USP13: variants seen among roughly 807,000 people sequenced by gnomAD.
The protein encoded by USP13 is ubiquitin carboxyl-terminal hydrolase 13.
Under a neutral mutation model 107.8 loss-of-function variants are expected in USP13, and 68 were observed. That is an observed-to-expected ratio of 0.63 (90% CI 0.52 to 0.77). USP13 has a LOEUF of 0.77. USP13 is among the 30% of genes least tolerant of loss of function. The probability of loss-of-function intolerance (pLI) is 0.00; values close to 1 mark genes in which losing one functional copy is unlikely to be tolerated. For missense variants in USP13, 945 were observed against 1,093.3 expected (o/e 0.86, Z 1.91); for synonymous variants, 377 against 389.5 (o/e 0.97, Z 0.38).
intron 3 of USP13, among the ~76,000 whole-genome samples, chr3:179,695,234 A>C (rs1712282287): frequency 6.6e-6 from 1 of 152,254 alleles, no homozygotes; most frequent in Admixed American, 6.5e-5. Context: ...CTTCGGCTTC[A>C]TGAAGCAGAT....
At chr3:179,709,009 T>G in intron 6 of USP13, 52 bp downstream of exon 6, 1 of 1,574,342 alleles carries the variant, frequency 6.4e-7, no homozygotes, top group Non-Finnish European at 8.6e-7. Context: ...CCTCTTAGAT[T>G]TAACCAATCC....
At chr3:179,743,523 G>T (rs892247908) in intron 12 of USP13, among the ~76,000 whole-genome samples, 4 of 151,978 alleles carry the variant, frequency 2.6e-5, no homozygotes, top group African/African-American at 9.7e-5. Context: ...AAGATGAAAC[G>T]ATTTTCATTT....
intron 16 of USP13, among the ~76,000 whole-genome samples, chr3:179,758,045 G>A (rs1246005100): frequency 2.0e-5 from 3 of 152,084 alleles, no homozygotes; most frequent in Non-Finnish European, 4.4e-5. Flanking sequence ...TATAAAACAA[G>A]GTCCCAGATC....
intron 13 of USP13, among the ~76,000 whole-genome samples, chr3:179,750,892 CTG>C (rs906818511): frequency 1.8e-4 from 28 of 152,256 alleles, no homozygotes; most frequent in Middle Eastern, 3.4e-3. Flanking sequence ...CATCGTTTGA[CTG>C]TTTTTTGCCC....
intron 19 of USP13, among the ~76,000 whole-genome samples, chr3:179,780,864 A>T (rs937360517): frequency 6.6e-6 from 1 of 152,216 alleles, no homozygotes; most frequent in Non-Finnish European, 1.5e-5. Flanking sequence ...CAAAATCAAT[A>T]TGCAAGCCCA....
intron 1 of USP13, among the ~76,000 whole-genome samples, chr3:179,658,684 T>G (rs1014202497): frequency 6.6e-6 from 1 of 152,226 alleles, no homozygotes; most frequent in African/African-American, 2.4e-5. Context: ...CTTGGGTAAC[T>G]GCAGAATGTG....
chr3:179,742,204 G>T lies in USP13; in HGVS notation c.1388G>T (p.Arg463Leu), dbSNP rs758485485. The change falls in exon 12 of 21, where the codon CGC (arginine) becomes CTC (leucine). Residue 463 changes from arginine to leucine, a missense_variant. Transcript: ENST00000263966. The surrounding 1 kb of genome is among the most constrained non-coding windows in gnomAD (Gnocchi z 5.0). The stretch of plus-strand genomic sequence containing the variant: ...ATACAATCCATCCTTCAGAGGAACC[G>T]CATCGGCTCAGAAAACCCAAGCGAT... ...LHLVNLVERN[R>L]IGSENPSDVF... The T allele has an allele frequency of 7.4e-6, 12 of 1,614,172 alleles. No individual in the cohort carries two copies. Among genetic ancestry groups the T allele is most frequent in the South Asian group, 1.1e-5 (1 of 91,080 alleles).
Position 179,721,317 on chromosome 3 carries a change from T to C in USP13, c.901-85T>C. ...GGGGAAAAAAATGGCAGAAACATCC[T>C]ATGCTGTTAGAAATAATTAACGGGA... On this transcript the variant is annotated intron_variant, in intron 7 of 20. Transcript: ENST00000263966. The surrounding 1 kb of genome is among the most constrained non-coding windows in gnomAD (Gnocchi z 4.3). The C allele has an allele frequency of 6.9e-7, 1 of 1,450,730 alleles. No homozygotes were observed. Among genetic ancestry groups the C allele is most frequent in the Non-Finnish European group, 9.4e-7 (1 of 1,069,480 alleles). 89.9% of individuals were successfully genotyped at this position (1,450,730 alleles called of 1,614,324 possible).
intron 16 of USP13, among the ~76,000 whole-genome samples, chr3:179,757,606 A>G (rs1036994887): frequency 6.6e-6 from 1 of 152,196 alleles, no homozygotes; most frequent in Non-Finnish European, 1.5e-5. Flanking sequence ...TTGGTTTTCT[A>G]CAAAGAACAT....
intron 2 of USP13, among the ~76,000 whole-genome samples, chr3:179,684,146 A>G (rs1711773476): frequency 6.6e-6 from 1 of 151,788 alleles, no homozygotes; most frequent in African/African-American, 2.4e-5. Flanking sequence ...TTTTTAGTAG[A>G]GACAGGGTTT....
At chr3:179,769,583 A>G (rs1296030096) in intron 19 of USP13, among the ~76,000 whole-genome samples, 1 of 152,022 alleles carries the variant, frequency 6.6e-6, no homozygotes, top group Non-Finnish European at 1.5e-5. Context: ...AATTTTTTGT[A>G]TTTTTAGTAG....
At chr3:179,763,881 T>C in intron 17 of USP13, 121 bp from the exon 18 acceptor site, 1 of 1,324,424 alleles carries the variant, frequency 7.6e-7, no homozygotes, top group Non-Finnish European at 1.0e-6. Flanking sequence ...CCACTGCGCC[T>C]GGCCCAGACT....
Position 179,764,157 on chromosome 3 carries a change from C to A in USP13, c.2248C>A (p.Leu750Ile), listed in dbSNP as rs1715097933. Residue 750 changes from leucine (L) to isoleucine (I), a missense_variant, in exon 18 of 21, where the codon CTA becomes ATA. By Grantham distance (5) the Leu-to-Ile change is conservative. Transcript: ENST00000263966. Reference protein sequence around the residue: ...GFQRNQAIQALRATNNNLERA... With the variant: ...GFQRNQAIQAIRATNNNLERA... ...TCAGCGAAATCAGGCTATTCAGGCA[C>A]TACGAGCAACGGTGAGCATGAGAGA... 6.2e-7 allele frequency: 1 copy of A among 1,610,734 alleles called. No homozygotes were observed. Among genetic ancestry groups the A allele is most frequent in the Non-Finnish European group, 8.5e-7 (1 of 1,179,524 alleles).
At chr3:179,719,854 T>A (rs900187851) in intron 6 of USP13, 86 bp from the exon 7 acceptor site, 12 of 1,097,236 alleles carry the variant, frequency 1.1e-5, no homozygotes, top group Non-Finnish European at 1.5e-5. Flanking sequence ...CCAAGCCTGG[T>A]GTACAGTAGG....
rs569631514 is a variant in USP13, at chr3:179,653,868, C to G, written c.168+475C>G. ...GGACAATTCTGATTTGCTCTCTGAG[C>G]TTTTCTTCCACCAGTTCCCATTTCA... On this transcript the variant is annotated intron_variant, in intron 1 of 20. Coordinates refer to ENST00000263966, the MANE Select transcript of USP13 (RefSeq NM_003940.3). This position sits in a 1 kb window ranked among gnomAD's most constrained non-coding sequence, Gnocchi z 4.0. The G allele has an allele frequency of 1.3e-5, 2 of 153,418 alleles. No homozygotes were observed. Among genetic ancestry groups the G allele is most frequent in the African/African-American group, 4.8e-5 (2 of 41,472 alleles). 9.5% of individuals were successfully genotyped at this position (153,418 alleles called of 1,614,324 possible).
Position 179,674,721 on chromosome 3 carries a change from T to TGG in USP13, c.169-7157_169-7156insGG, listed in dbSNP as rs1293188595. Among the ~76,000 whole-genome samples the TGG allele has an allele frequency of 2.7e-3, 404 of 152,224 alleles. 5 individuals carry two copies. Among genetic ancestry groups the TGG allele is most frequent in the African/African-American group, 9.3e-3 (387 of 41,520 alleles). On this transcript the variant is annotated intron_variant, in intron 1 of 20. Coordinates refer to ENST00000263966, the MANE Select transcript of USP13 (RefSeq NM_003940.3). ...TCTCTAGAAAGGCTGAGCCGATTTA[T>TGG]ATTGTAGGAGAGGATATACGGGTTT...
intron 4 of USP13, 54 bp downstream of exon 4, chr3:179,701,183 T>C: frequency 8.4e-7 from 1 of 1,186,794 alleles, no homozygotes; most frequent in South Asian, 1.5e-5. Flanking sequence ...GTGTCAGGTG[T>C]GTGTGCGTGT....
chr3:179,686,017 T>C (rs1376059131), intron 2 of USP13, among the ~76,000 whole-genome samples: 2 of 152,184 alleles, frequency 1.3e-5, no homozygotes, highest in Non-Finnish European at 2.9e-5. Flanking sequence ...TCTACTTCCA[T>C]GCACAGACTG....
At chr3:179,695,675 G>T (rs1406686105) in intron 3 of USP13, among the ~76,000 whole-genome samples, 5 of 151,840 alleles carry the variant, frequency 3.3e-5, no homozygotes, top group Non-Finnish European at 7.4e-5. Flanking sequence ...GTTATAAAGG[G>T]CTCCTCAGTG....
Sources: allele counts gnomAD v4.1 joint callset (sites outside exome capture counted in the v4.1 genomes callset), GRCh38; gene constraint gnomAD v4.1.1; non-coding constraint Gnocchi (gnomAD v3.1); transcripts MANE v1.5; gene names NCBI Gene and HGNC (gene_info 2026-07-23, HGNC 2026-07-21).